Variants in APLP1 observed in about 807,000 individuals in gnomAD.
APLP1 encodes amyloid beta (A4) precursor-like protein 1.
Under a neutral mutation model 84.5 loss-of-function variants are expected in APLP1, and 46 were observed. The ratio of observed to expected loss-of-function variants is 0.54; its 90% confidence interval spans 0.43 to 0.70. The LOEUF (loss-of-function observed/expected upper bound fraction) is 0.70, where lower values mean the gene tolerates loss of function less well. APLP1 is among the 30% of genes least tolerant of loss of function. The probability of loss-of-function intolerance (pLI) is 0.00; values close to 1 mark genes in which losing one functional copy is unlikely to be tolerated. For synonymous variants in APLP1, 376 were observed against 364.0 expected (o/e 1.03, Z -0.38); for missense variants, 826 against 900.2 (o/e 0.92, Z 1.05).
chr19:35,872,742 C>A (rs1485420289), intron 7 of APLP1, 129 bp downstream of exon 7: 1 of 973,218 alleles, frequency 1.0e-6, no homozygotes, highest in Non-Finnish European at 1.5e-6. Flanking sequence ...GCTCTCAACA[C>A]CACCCCCTAA....
rs1403396850 is a variant in APLP1, at chr19:35,872,778, T to G, written c.981+165T>G. Reference sequence around the variant, plus strand: ...GATGGCCAGAGATCCATGGCCCTTCTAGAATCCCACTGAGACGCTACCAGG... The same window carrying G: ...GATGGCCAGAGATCCATGGCCCTTCGAGAATCCCACTGAGACGCTACCAGG... On this transcript the variant is annotated intron_variant, in intron 7 of 16. Coordinates refer to ENST00000221891, the MANE Select transcript of APLP1 (RefSeq NM_001024807.3). Among the ~76,000 whole-genome samples the G allele has an allele frequency of 3.3e-5, 5 of 151,610 alleles. No homozygotes were observed. In the East Asian group the frequency reaches 9.6e-4, roughly 29 times the overall value.
intron 6 of APLP1, 38 bp from the exon 7 acceptor site, chr19:35,872,445 T>C: frequency 6.3e-7 from 1 of 1,596,434 alleles, no homozygotes; most frequent in Non-Finnish European, 8.5e-7. Flanking sequence ...GACCTGGAGG[T>C]GGGCTGCAGA....
chr19:35,869,148 T>G, intron 1 of APLP1: 3 of 310,204 alleles, frequency 9.7e-6, no homozygotes, highest in Admixed American at 5.1e-5. Flanking sequence ...TCTGGACCCA[T>G]ATGGAGGCCC....
Position 35,871,357 on chromosome 19 carries a change from C to A in APLP1, c.537+8C>A. On this transcript the variant is annotated splice_region_variant and intron_variant, in intron 4 of 16. Coordinates refer to ENST00000221891, the MANE Select transcript of APLP1 (RefSeq NM_001024807.3). ...CATCAGGAGGCACAGGAGGTCAGGA[C>A]GTTGGCCCACCCGTCCCCAGCCCCC... 1 of 1,599,686 alleles carries A rather than the reference C, an allele frequency of 6.3e-7. No individual in the cohort carries two copies. Among genetic ancestry groups the A allele is most frequent in the South Asian group, 1.1e-5 (1 of 88,948 alleles).
At chr19:35,869,025 G>C (rs1974069576) in intron 1 of APLP1, 1 of 361,164 alleles carries the variant, frequency 2.8e-6, no homozygotes, top group African/African-American at 2.1e-5. Context: ...GGTCCCAGAA[G>C]TCCAGCCCCC....
At chr19:35,876,716 A>C in intron 11 of APLP1, 100 bp downstream of exon 11, 3 of 916,178 alleles carry the variant, frequency 3.3e-6, no homozygotes, top group African/African-American at 1.7e-5. Flanking sequence ...CTCTATAACA[A>C]ACAGCCCAGA....
In APLP1 at chr19:35,877,764, C is replaced by T; in HGVS notation, c.1491C>T (p.Ala497=). The T allele has an allele frequency of 1.2e-6, 2 of 1,608,484 alleles. No individual in the cohort carries two copies. The highest frequency in any genetic ancestry group is 1.7e-6 in the Non-Finnish European group (2 of 1,178,584). ...ACCTGGGTCCCAGTGAATTGGAAGC[C>T]CCTGCCCCTGGGGGCAGCAGCGAGG... The part of the protein sequence containing the change: ...SEHLGPSELE[A]PAPGGSSEDK... Residue 497 remains alanine (A), a synonymous_variant, in exon 12 of 17, where the codon GCC becomes GCT. Transcript: ENST00000221891.
Position 35,869,455 on chromosome 19 carries a change from C to G in APLP1, c.148-212C>G, listed in dbSNP as rs934197267. Reference sequence around the variant, plus strand: ...CGCGGCAACAAGGCAGAAAGAATCCCGGGGGACCCAGGTCGCCATAGCAAC... The same window carrying G: ...CGCGGCAACAAGGCAGAAAGAATCCGGGGGGACCCAGGTCGCCATAGCAAC... On this transcript the variant is annotated intron_variant, in intron 1 of 16. Coordinates refer to ENST00000221891, the MANE Select transcript of APLP1 (RefSeq NM_001024807.3). The G allele has an allele frequency of 8.5e-6, 6 of 702,806 alleles. No individual in the cohort carries two copies. The East Asian group carries it at 1.7e-4, about 19-fold the overall frequency. 43.5% of individuals were successfully genotyped at this position (702,806 alleles called of 1,614,324 possible). A position where few individuals can be genotyped will look rare whatever the true frequency, so the allele number is the denominator to read the frequency against.
At chr19:35,871,426 C>T (rs1178916474) in intron 4 of APLP1, 77 bp downstream of exon 4, 2 of 1,410,552 alleles carry the variant, frequency 1.4e-6, no homozygotes, top group East Asian at 2.5e-5. Flanking sequence ...GCCACCAGAA[C>T]CGAGGAGTCT....
chr19:35,873,805 G>A, intron 8 of APLP1, 92 bp downstream of exon 8: 1 of 1,198,948 alleles, frequency 8.3e-7, no homozygotes, highest in Non-Finnish European at 1.2e-6. Flanking sequence ...TGCCCATCCA[G>A]TTCCACCCCT....
intron 12 of APLP1, 46 bp from the exon 13 acceptor site, chr19:35,878,036 C>G: frequency 6.3e-7 from 1 of 1,594,732 alleles, no homozygotes; most frequent in Non-Finnish European, 8.6e-7. Context: ...TTGCTGATAC[C>G]CTCCTCTCTT....
In APLP1 at chr19:35,879,118, G is replaced by A. The variant is rs757914236; in HGVS notation, c.1758G>A (p.Leu586=). The A allele has an allele frequency of 1.4e-5, 22 of 1,612,070 alleles. No homozygotes were observed. The highest frequency in any genetic ancestry group is 1.7e-5 in the Non-Finnish European group (20 of 1,180,000). ...TGVSREAVSG[L]LIMGAGGGSL... ...TGTCCCGTGAGGCTGTGTCGGGTCT[G>A]CTGATCATGGGAGCGGGCGGAGGCT... The change falls in exon 16 of 17, where the codon CTG becomes CTA. Residue 586 remains leucine, a synonymous_variant. Coordinates refer to ENST00000221891, the MANE Select transcript of APLP1 (RefSeq NM_001024807.3).
Position 35,876,534 on chromosome 19 carries a change from A to G in APLP1, c.1362A>G (p.Gln454=). Reference sequence around the variant, plus strand: ...ACCCACAGGTGCATACCCACCTTCAAGTGATTGAGGAGAGGGTGAATCAGA... The same window carrying G: ...ACCCACAGGTGCATACCCACCTTCAGGTGATTGAGGAGAGGGTGAATCAGA... ...QMRFQVHTHL[Q]VIEERVNQSL... Residue 454 remains glutamine, a synonymous_variant, in exon 11 of 17, where the codon CAA becomes CAG. Transcript: ENST00000221891. 6.2e-7 allele frequency: 1 copy of G among 1,613,884 alleles called. No individual in the cohort carries two copies. The highest frequency in any genetic ancestry group is 2.2e-5 in the East Asian group (1 of 44,842).
At chr19:35,871,577 C>T (rs1274387870) in intron 4 of APLP1, 35 bp from the exon 5 acceptor site, 2 of 1,612,376 alleles carry the variant, frequency 1.2e-6, no homozygotes, top group Middle Eastern at 1.7e-4. Flanking sequence ...CCTCCCATCC[C>T]ACAATCCTGG....
Position 35,869,795 on chromosome 19 carries a change from G to C in APLP1, c.276G>C (p.Leu92=). Residue 92 remains leucine (L), a synonymous_variant, in exon 2 of 17, where the codon CTG becomes CTC. Transcript: ENST00000221891. ...RRCLRDPQRV[L]EYCRQMYPEL... Reference sequence around the variant, plus strand: ...GTCTCCGGGACCCGCAGCGCGTGCTGGAGTACTGCAGACAGGTGGGCGGGG... The same window carrying C: ...GTCTCCGGGACCCGCAGCGCGTGCTCGAGTACTGCAGACAGGTGGGCGGGG... 2 of 1,599,640 alleles carry C rather than the reference G, an allele frequency of 1.3e-6. No individual in the cohort carries two copies. Among genetic ancestry groups the C allele is most frequent in the Non-Finnish European group, 1.7e-6 (2 of 1,174,364 alleles).
intron 4 of APLP1, 107 bp downstream of exon 4, chr19:35,871,456 C>T (rs1186170384): frequency 1.0e-5 from 14 of 1,342,344 alleles, no homozygotes; most frequent in African/African-American, 5.8e-5. Flanking sequence ...GCATCCTCTT[C>T]GCACTTGGGA....
rs73590864 is a variant in APLP1, at chr19:35,868,960, G to A, written c.147+177G>A. 9.0e-3 allele frequency: 3,661 copies of A among 408,700 alleles called. 27 individuals are homozygous for A. The highest frequency in any genetic ancestry group is 0.012 in the Non-Finnish European group (3,027 of 243,306). The allele number at this position is 408,700 out of a possible 1,614,324, so 25.3% of individuals were successfully genotyped here. On this transcript the variant is annotated intron_variant, in intron 1 of 16. Coordinates refer to ENST00000221891, the MANE Select transcript of APLP1 (RefSeq NM_001024807.3). This position sits in a 1 kb window ranked among gnomAD's most constrained non-coding sequence, Gnocchi z 5.2. ...CCAGGCCCCAGCTCCCCCATCATGC[G>A]ACGTCCCAGCCCCCTCCCATCTCGA...
rs369421258 is a variant in APLP1 at position 35,872,006 on chromosome 19, A to G, written c.820A>G (p.Ser274Gly). 1 of 1,613,906 alleles carries G rather than the reference A, an allele frequency of 6.2e-7. No individual in the cohort carries two copies. The highest frequency in any genetic ancestry group is 1.3e-5 in the African/African-American group (1 of 74,866). Residue 274 changes from serine (S) to glycine (G), a missense_variant, in exon 6 of 17, where the codon AGC becomes GGC. Physicochemically the swap from Ser to Gly is moderately conservative, Grantham distance 56. Coordinates refer to ENST00000221891, the MANE Select transcript of APLP1 (RefSeq NM_001024807.3). ...EEEEETVPPP[S>G]SHTLAVVGKV... is the part of the protein sequence containing the mutation. ...GGAAGAGGAAACGGTCCCACCCCCA[A>G]GCTCCCATACACTTGCAGTGGTCGG... is the stretch of plus-strand genomic sequence containing the variant.
Position 35,878,634 on chromosome 19 carries a change from C to T in APLP1, c.1630C>T (p.Leu544=), listed in dbSNP as rs151326608. The part of the protein sequence containing the change: ...ASPEKEKMNP[L]EQYERKVNAS... ...CCCTGAGAAAGAGAAGATGAACCCG[C>T]TGGAACAGTATGAGCGAAAGGTAAG... The change falls in exon 14 of 17, where the codon CTG becomes TTG. Residue 544 remains leucine (L), a synonymous_variant. Transcript: ENST00000221891. 7 of 1,613,860 alleles carry T rather than the reference C, an allele frequency of 4.3e-6. No homozygotes were observed. The African/African-American group carries it at 9.4e-5, about 22-fold the overall frequency.
Sources: gnomAD v4.1 joint callset for allele counts (sites outside exome capture counted in the v4.1 genomes callset) on GRCh38, gnomAD v4.1.1 for gene constraint, Gnocchi (gnomAD v3.1) non-coding constraint, MANE v1.5 for transcripts, NCBI Gene and HGNC (gene_info 2026-07-23, HGNC 2026-07-21) for gene names.